Variants in ABCC8 observed in about 807,000 individuals in gnomAD.
The protein encoded by ABCC8 is ATP binding cassette subfamily C member 8, also known as ATP-binding cassette sub-family C member 8.
Under a neutral mutation model 188.0 loss-of-function variants are expected in ABCC8, and 137 were observed. The ratio of observed to expected loss-of-function variants is 0.73; its 90% CI spans 0.63 to 0.84. ABCC8 has a LOEUF of 0.84. ABCC8 is among the 40% of genes least tolerant of loss of function. The pLI is 0.00. For synonymous variants in ABCC8, 797 were observed against 846.5 expected, an observed-to-expected ratio of 0.94 and a Z score of 1.01; for missense variants, 1,750 against 2,072.7, an observed-to-expected ratio of 0.84 and a Z score of 3.02.
intron 1 of ABCC8, 152 bp from the exon 2 acceptor site, chr11:17,475,179 G>C: frequency 8.5e-7 from 1 of 1,177,158 alleles, no homozygotes; most frequent in Non-Finnish European, 1.2e-6. Context: ...CAAACTAAAC[G>C]TCCAACTCAT....
chr11:17,450,541 C>G (rs897219333), intron 7 of ABCC8, among the ~76,000 whole-genome samples: 1 of 149,940 alleles, frequency 6.7e-6, no homozygotes, highest in African/African-American at 2.5e-5. Flanking sequence ...ACTACAGGCA[C>G]CCGCCACCAT....
chr11:17,400,323 C>A (rs1954171557), intron 29 of ABCC8, among the ~76,000 whole-genome samples: 1 of 152,090 alleles, frequency 6.6e-6, no homozygotes, highest in African/African-American at 2.4e-5. Context: ...AATGTGTGTG[C>A]ATCAGGGCAT....
At chr11:17,450,307 T>C (rs1333375685) in intron 7 of ABCC8, among the ~76,000 whole-genome samples, 2 of 139,288 alleles carry the variant, frequency 1.4e-5, no homozygotes, top group African/African-American at 6.2e-5. Context: ...TCTTTCTTTC[T>C]TTCTTTCTTT....
At chr11:17,407,749 A>C (rs1013006408) in intron 23 of ABCC8, among the ~76,000 whole-genome samples, 8 of 152,198 alleles carry the variant, frequency 5.3e-5, no homozygotes, top group Non-Finnish European at 1.0e-4. Flanking sequence ...GCCAATCCTC[A>C]CATTCCACAC....
intron 10 of ABCC8, chr11:17,436,080 G>T: frequency 1.1e-6 from 1 of 909,554 alleles, no homozygotes; most frequent in Non-Finnish European, 1.8e-6. Context: ...TCTCTTCTTT[G>T]GCTGTGATTC....
intron 7 of ABCC8, among the ~76,000 whole-genome samples, chr11:17,450,358 C>CT (rs1956753706): frequency 1.0e-5 from 1 of 96,406 alleles, no homozygotes; most frequent in African/African-American, 3.6e-5. Context: ...TCTTTCTTTC[C>CT]TTCCTTTCCT....
chr11:17,395,112 C>T, intron 36 of ABCC8, 60 bp downstream of exon 36: 8 of 1,546,650 alleles, frequency 5.2e-6, no homozygotes, highest in Non-Finnish European at 7.0e-6. Flanking sequence ...CTTCTGTCTG[C>T]CATCCTTACA....
chr11:17,422,667 A>AGTCT (rs1049636596), intron 16 of ABCC8, among the ~76,000 whole-genome samples: 1 of 152,048 alleles, frequency 6.6e-6, no homozygotes, highest in South Asian at 2.1e-4. Flanking sequence ...CCCTTCCTAC[A>AGTCT]GTCTGTCTGT....
At chr11:17,395,580 TG>T in intron 35 of ABCC8, 29 bp downstream of exon 35, 2 of 1,544,490 alleles carry the variant, frequency 1.3e-6, no homozygotes, top group Non-Finnish European at 8.7e-7. Flanking sequence ...GGCCTGGGGC[TG>T]GGTGGGCCTG....
chr11:17,428,847 GT>G lies in ABCC8; in HGVS notation c.1818-178del, dbSNP rs1358163751. On this transcript the variant is annotated intron_variant, in intron 12 of 38. Coordinates refer to ENST00000389817, the MANE Select transcript of ABCC8 (RefSeq NM_000352.6). ...GGGGCAGGTAATTGGTGTTACCAGGGTTTGCTAGGGTTGACCAGTCAGCTGG... is the reference window on the plus strand; with the variant it reads ...GGGGCAGGTAATTGGTGTTACCAGGGTTGCTAGGGTTGACCAGTCAGCTGG... 1.1e-5 allele frequency: 13 copies of G among 1,195,208 alleles called. No individual in the cohort carries two copies. The East Asian group carries it at 3.1e-4, about 28-fold the overall frequency. The allele number at this position is 1,195,208 out of a possible 1,614,324, so 74.0% of individuals were successfully genotyped here. A position where few individuals can be genotyped will look rare whatever the true frequency, so the allele number is the denominator to read the frequency against.
chr11:17,461,733 CAGA>C lies in ABCC8; in HGVS notation c.669_671del (p.Asn223_Leu224delinsLys). On this transcript the variant is annotated inframe_deletion, in exon 5 of 39. Coordinates refer to ENST00000389817, the MANE Select transcript of ABCC8 (RefSeq NM_000352.6). ...TCCACCAGTAGGTGCCTTTGGACAGCAGATTCACGAAGGGCTGCAGGAAGCGTA... is the reference window on the plus strand; with the variant it reads ...TCCACCAGTAGGTGCCTTTGGACAGCTTCACGAAGGGCTGCAGGAAGCGTA... 2 of 1,614,190 alleles carry C rather than the reference CAGA, an allele frequency of 1.2e-6. No homozygotes were observed. The highest frequency in any genetic ancestry group is 1.7e-6 in the Non-Finnish European group (2 of 1,180,036).
Position 17,453,130 on chromosome 11 carries a change from C to T in ABCC8, c.1165G>A (p.Gly389Arg), listed in dbSNP as rs1351107950. ...AATCATCCAAGTACCTGTATTGCTC[C>T]TCTCAAGTTAATTCCAGTTTCAATG... ...VAIETGINLRGAIQTKIYNKI... is the reference protein window; with the variant it reads ...VAIETGINLRRAIQTKIYNKI... The change falls in exon 7 of 39, where the codon GGA (glycine) becomes AGA (arginine). Residue 389 changes from glycine (G) to arginine (R), a missense_variant. Gly to Arg is a moderately radical substitution (Grantham distance 125). Coordinates refer to ENST00000389817, the MANE Select transcript of ABCC8 (RefSeq NM_000352.6). 3 of 1,613,684 alleles carry T rather than the reference C, an allele frequency of 1.9e-6. No individual in the cohort carries two copies. The highest frequency in any genetic ancestry group is 1.1e-5 in the South Asian group (1 of 91,080).
chr11:17,425,364 A>T (rs1334438364), intron 16 of ABCC8, among the ~76,000 whole-genome samples: 1 of 152,162 alleles, frequency 6.6e-6, no homozygotes, highest in African/African-American at 2.4e-5. Context: ...GTGCATGTTG[A>T]TATTCAGACA....
chr11:17,404,889 G>GTA lies in ABCC8; in HGVS notation c.3400-222_3400-221dup, dbSNP rs1358396874. On this transcript the variant is annotated intron_variant, in intron 27 of 38. Coordinates refer to ENST00000389817, the MANE Select transcript of ABCC8 (RefSeq NM_000352.6). The surrounding 1 kb of genome is among the most constrained non-coding windows in gnomAD (Gnocchi z 4.7). ...TGATTCTCCTGCCTCAGCTTCCCAA[G>GTA]TAGTTGGGATTACAGGCACCTGCCA... Among the ~76,000 whole-genome samples the GTA allele has an allele frequency of 6.6e-6, 1 of 152,130 alleles. No individual in the cohort carries two copies. The highest frequency in any genetic ancestry group is 2.4e-5 in the African/African-American group (1 of 41,424).
chr11:17,411,581 T>G (rs1954806707), intron 21 of ABCC8, among the ~76,000 whole-genome samples: 1 of 152,178 alleles, frequency 6.6e-6, no homozygotes, highest in Non-Finnish European at 1.5e-5. Context: ...TTCTTCCAAC[T>G]CACTGTGCAA....
chr11:17,411,749 T>C (rs1001387953), intron 21 of ABCC8, among the ~76,000 whole-genome samples: 8 of 152,216 alleles, frequency 5.3e-5, no homozygotes, highest in Non-Finnish European at 1.2e-4. Context: ...GCTGGGCCTC[T>C]TGAACTGGGT....
chr11:17,455,643 G>A (rs3937428), intron 6 of ABCC8, among the ~76,000 whole-genome samples: 1 of 152,134 alleles, frequency 6.6e-6, no homozygotes, highest in Non-Finnish European at 1.5e-5. Context: ...TTTCAGTTAA[G>A]AAGTGGGTAC....
intron 6 of ABCC8, among the ~76,000 whole-genome samples, chr11:17,458,640 G>A (rs1017735291): frequency 4.6e-5 from 7 of 152,206 alleles, no homozygotes; most frequent in Non-Finnish European, 7.3e-5. Flanking sequence ...AGAAGCAGCC[G>A]CTTCCCCTCT....
intron 16 of ABCC8, among the ~76,000 whole-genome samples, chr11:17,425,389 T>C (rs73423057): frequency 0.03 from 4,552 of 152,302 alleles, 233 homozygotes; most frequent in African/African-American, 0.1. Context: ...GCCCAAAGTC[T>C]TTCTCCCTGC....
Sources: allele counts gnomAD v4.1 joint callset (sites outside exome capture counted in the v4.1 genomes callset), GRCh38; gene constraint gnomAD v4.1.1; non-coding constraint Gnocchi (gnomAD v3.1); transcripts MANE v1.5; gene names NCBI Gene and HGNC (gene_info 2026-07-23, HGNC 2026-07-21).